Variants in RCAN2 observed in about 807,000 individuals in gnomAD.
The protein encoded by RCAN2 is calcipressin-2.
Under a neutral mutation model 23.6 loss-of-function variants are expected in RCAN2, and 9 were observed. That is an observed-to-expected ratio of 0.38 (90% CI 0.23 to 0.67). The LOEUF is 0.67. RCAN2 is among the 30% of genes least tolerant of loss of function. The pLI is 0.51. For synonymous variants in RCAN2, 109 were observed against 115.7 expected (o/e 0.94, Z 0.37); for missense variants, 273 against 302.3 (o/e 0.90, Z 0.72).
At chr6:46,389,064 T>C (rs541632100) in intron 2 of RCAN2, among the ~76,000 whole-genome samples, 1 of 152,264 alleles carries the variant, frequency 6.6e-6, no homozygotes, top group African/African-American at 2.4e-5. Context: ...TCAATGGTAC[T>C]CTTTGGGCAA....
intron 2 of RCAN2, among the ~76,000 whole-genome samples, chr6:46,390,557 T>A (rs1765903533): frequency 6.6e-6 from 1 of 152,240 alleles, no homozygotes. Context: ...TTCTTGTCAG[T>A]TAGTGACCTC....
At chr6:46,450,800 C>T (rs1381653582) in intron 2 of RCAN2, among the ~76,000 whole-genome samples, 1 of 151,848 alleles carries the variant, frequency 6.6e-6, no homozygotes, top group Non-Finnish European at 1.5e-5. Context: ...TGAACAAAGG[C>T]TACAAAATTT....
chr6:46,241,470 C>G (rs1165274290), intron 4 of RCAN2, among the ~76,000 whole-genome samples: 1 of 152,112 alleles, frequency 6.6e-6, no homozygotes, highest in East Asian at 1.9e-4. Context: ...TTGATCTGCA[C>G]GTCCTGCTGG....
At chr6:46,257,382 G>A (rs1236172205) in intron 2 of RCAN2, among the ~76,000 whole-genome samples, 1 of 152,122 alleles carries the variant, frequency 6.6e-6, no homozygotes, top group Non-Finnish European at 1.5e-5. Flanking sequence ...CAGTGTATTA[G>A]TCCATTCTCA....
At position 46,220,782 on chromosome 6, in the gene RCAN2, C is replaced by T. The variant is rs184852116; in HGVS notation, c.*2359G>A. The T allele has an allele frequency of 2.0e-5, 3 of 152,744 alleles. No homozygotes were observed. The highest frequency in any genetic ancestry group is 2.0e-4 in the Admixed American group (3 of 15,300). 9.5% of individuals were successfully genotyped at this position (152,744 alleles called of 1,614,324 possible). A position where few individuals can be genotyped will look rare whatever the true frequency, so the allele number is the denominator to read the frequency against. ...AAGTCTAAGCTCTTTGAGCTATACA[C>T]GTGCACAAATGATTCAGTTGGTGGA... is the stretch of plus-strand genomic sequence containing the variant. On this transcript the variant is annotated 3_prime_UTR_variant, in exon 5 of 5. Transcript: ENST00000371374.
intron 4 of RCAN2, among the ~76,000 whole-genome samples, chr6:46,235,653 G>A (rs896320854): frequency 1.3e-5 from 2 of 152,142 alleles, no homozygotes; most frequent in African/African-American, 4.8e-5. Context: ...CCTTCTAGGT[G>A]CAAATCCTTA....
intron 4 of RCAN2, among the ~76,000 whole-genome samples, chr6:46,224,243 T>A (rs1765572410): frequency 1.3e-5 from 2 of 152,192 alleles, no homozygotes; most frequent in Admixed American, 6.5e-5. Flanking sequence ...TGCTTGTAAC[T>A]TTTCAACTTC....
intron 2 of RCAN2, among the ~76,000 whole-genome samples, chr6:46,330,989 CTT>C (rs1763949275): frequency 6.6e-6 from 1 of 152,104 alleles, no homozygotes; most frequent in African/African-American, 2.4e-5. Flanking sequence ...GGCTGTCTCT[CTT>C]TTGTGGTATT....
chr6:46,405,275 C>A (rs1241801811), intron 2 of RCAN2, among the ~76,000 whole-genome samples: 1 of 152,076 alleles, frequency 6.6e-6, no homozygotes, highest in Non-Finnish European at 1.5e-5. Flanking sequence ...AGCGTGGACC[C>A]AAAGAGCGAT....
At chr6:46,250,872 C>A (rs1436456534) in intron 2 of RCAN2, among the ~76,000 whole-genome samples, 1 of 152,080 alleles carries the variant, frequency 6.6e-6, no homozygotes, top group Non-Finnish European at 1.5e-5. Context: ...CTTGGGCATC[C>A]AGATCAACTT....
intron 1 of RCAN2, among the ~76,000 whole-genome samples, chr6:46,474,295 T>C (rs1217664085): frequency 6.6e-6 from 1 of 152,036 alleles, no homozygotes; most frequent in East Asian, 1.9e-4. Flanking sequence ...GAGAGCTTAC[T>C]ACATATTAAA....
At chr6:46,259,967 G>A (rs189118893) in intron 2 of RCAN2, among the ~76,000 whole-genome samples, 163 of 152,302 alleles carry the variant, frequency 1.1e-3, no homozygotes, top group African/African-American at 3.7e-3. Context: ...ACTAGACCAC[G>A]CTCTCAGTAC....
At chr6:46,327,392 C>T (rs1388197999) in intron 2 of RCAN2, among the ~76,000 whole-genome samples, 1 of 152,130 alleles carries the variant, frequency 6.6e-6, no homozygotes, top group African/African-American at 2.4e-5. Flanking sequence ...TAAAAACAGA[C>T]TAGAAATGTC....
intron 2 of RCAN2, among the ~76,000 whole-genome samples, chr6:46,409,396 C>T (rs1456341363): frequency 1.3e-5 from 2 of 152,186 alleles, no homozygotes; most frequent in Non-Finnish European, 2.9e-5. Flanking sequence ...TACCACTTAA[C>T]CCATTTTGGC....
chr6:46,425,421 C>T (rs1336236659), intron 2 of RCAN2, among the ~76,000 whole-genome samples: 1 of 152,130 alleles, frequency 6.6e-6, no homozygotes, highest in African/African-American at 2.4e-5. Flanking sequence ...AAAGAGGTAA[C>T]ATTTTACCAC....
chr6:46,262,344 G>C (rs1767137456), intron 2 of RCAN2, among the ~76,000 whole-genome samples: 2 of 152,030 alleles, frequency 1.3e-5, no homozygotes, highest in African/African-American at 4.8e-5. Flanking sequence ...TCAGCCCCCT[G>C]TTCACCCTGC....
chr6:46,340,632 C>T (rs907773687), intron 2 of RCAN2, among the ~76,000 whole-genome samples: 1 of 152,176 alleles, frequency 6.6e-6, no homozygotes, highest in Non-Finnish European at 1.5e-5. Context: ...CCTTCAACCC[C>T]CTCTTCTATC....
chr6:46,398,243 TTTC>T (rs942110201), intron 2 of RCAN2, among the ~76,000 whole-genome samples: 1 of 152,196 alleles, frequency 6.6e-6, no homozygotes, highest in African/African-American at 2.4e-5. Flanking sequence ...TAACATTGTT[TTTC>T]TTCTTTTGAC....
rs192638314 is a variant in RCAN2, at chr6:46,290,163, A to G, written c.226-41267T>C. On this transcript the variant is annotated intron_variant, in intron 2 of 4. Transcript: ENST00000371374. ...GAAAAAAAAAAATGCATCTTAGGTAAGGTGCTGCATCTGTAGGTGTCTTTC... is the reference window on the plus strand; with the variant it reads ...GAAAAAAAAAAATGCATCTTAGGTAGGGTGCTGCATCTGTAGGTGTCTTTC... 5.3e-5 allele frequency among the ~76,000 whole-genome samples: 8 copies of G among 152,272 alleles called. No homozygotes were observed. In the East Asian group the frequency reaches 1.2e-3, roughly 22 times the overall value.
Sources: gnomAD v4.1 joint callset for allele counts (sites outside exome capture counted in the v4.1 genomes callset) on GRCh38, gnomAD v4.1.1 for gene constraint, MANE v1.5 for transcripts, NCBI Gene and HGNC (gene_info 2026-07-23, HGNC 2026-07-21) for gene names.